TRERF1: variants seen among roughly 807,000 people sequenced by gnomAD.
TRERF1 encodes the protein transcriptional-regulating factor 1.
TRERF1 carries 27 observed loss-of-function variants against 122.9 expected under a neutral mutation model. That is an observed-to-expected ratio of 0.22 (90% CI 0.16 to 0.30). The LOEUF (loss-of-function observed/expected upper bound fraction) is 0.30. TRERF1 is among the 10% of genes least tolerant of loss of function. TRERF1 has a pLI of 1.00. For missense variants in TRERF1, 1,248 were observed against 1,560.3 expected, an observed-to-expected ratio of 0.80 and a Z score of 3.37; for synonymous variants, 636 against 641.7, an observed-to-expected ratio of 0.99 and a Z score of 0.13.
chr6:42,436,808 A>T (rs1481724483), intron 2 of TRERF1, among the ~76,000 whole-genome samples: 24 of 103,218 alleles, frequency 2.3e-4, no homozygotes, highest in Admixed American at 5.4e-4. Flanking sequence ...TACAAAAAAA[A>T]AAAAAAATAT....
rs151161541 is a variant in TRERF1, at chr6:42,403,592, G to A, written c.-453-40513C>T. 1.4e-4 allele frequency among the ~76,000 whole-genome samples: 22 copies of A among 152,242 alleles called. No individual in the cohort carries two copies. In the East Asian group the frequency reaches 4.1e-3, roughly 28 times the overall value. ...ACCTTGATTTCAAATTTCCAGAACTGCAAGAGCAGACATTTCTGTTGCTTT... is the reference window on the plus strand; with the variant it reads ...ACCTTGATTTCAAATTTCCAGAACTACAAGAGCAGACATTTCTGTTGCTTT... On this transcript the variant is annotated intron_variant, in intron 2 of 17. Transcript: ENST00000372922.
intron 4 of TRERF1, among the ~76,000 whole-genome samples, chr6:42,279,044 G>A (rs13214788): frequency 0.027 from 4,160 of 152,310 alleles, 57 homozygotes; most frequent in Non-Finnish European, 0.037. Context: ...TGGGGAGGAG[G>A]AGGCTTCCAA....
intron 15 of TRERF1, 67 bp downstream of exon 15, chr6:42,243,181 A>C: frequency 1.5e-6 from 2 of 1,343,334 alleles, no homozygotes; most frequent in Non-Finnish European, 2.1e-6. Context: ...AACACCAGCT[A>C]CTTACTAACC....
chr6:42,367,918 G>A (rs970458460), intron 2 of TRERF1, among the ~76,000 whole-genome samples: 6 of 152,052 alleles, frequency 3.9e-5, no homozygotes, highest in African/African-American at 7.2e-5. Flanking sequence ...CTGTATCATC[G>A]GGCCCTTTAG....
chr6:42,404,661 C>T (rs1779911671), intron 2 of TRERF1, among the ~76,000 whole-genome samples: 1 of 152,070 alleles, frequency 6.6e-6, no homozygotes, highest in African/African-American at 2.4e-5. Context: ...ATCCTCTCAC[C>T]CCAGCAGGAT....
chr6:42,226,288 T>A (rs1337717447), exon 18 of TRERF1: 1 of 152,226 alleles, frequency 6.6e-6, no homozygotes, highest in Non-Finnish European at 1.5e-5. Context: ...TACATTTGCT[T>A]TATAAACACT....
intron 3 of TRERF1, among the ~76,000 whole-genome samples, chr6:42,332,150 C>T (rs186073849): frequency 6.6e-6 from 1 of 152,218 alleles, no homozygotes; most frequent in African/African-American, 2.4e-5. Flanking sequence ...GCCATGTTGG[C>T]CAGGCTGGTC....
In TRERF1 at chr6:42,393,997, T is replaced by G. The variant is rs974116757; in HGVS notation, c.-453-30918A>C. ...TTCCAGAAAGATGGATGTTTTTATT[T>G]TCTTCTCTATGATTTCCTATATGTT... On this transcript the variant is annotated intron_variant, in intron 2 of 17. Coordinates refer to ENST00000372922, the Ensembl canonical transcript of TRERF1. This position sits in a 1 kb window ranked among gnomAD's most constrained non-coding sequence, Gnocchi z 4.1. 6.6e-6 allele frequency among the ~76,000 whole-genome samples: 1 copy of G among 152,198 alleles called. No individual in the cohort carries two copies. Among genetic ancestry groups the G allele is most frequent in the African/African-American group, 2.4e-5 (1 of 41,452 alleles).
intron 13 of TRERF1, among the ~76,000 whole-genome samples, chr6:42,250,268 C>T (rs905898821): frequency 1.1e-4 from 16 of 152,164 alleles, no homozygotes; most frequent in African/African-American, 3.4e-4. Flanking sequence ...CGTATGCCAC[C>T]CCTGCTGATA....
intron 4 of TRERF1, among the ~76,000 whole-genome samples, chr6:42,288,596 A>AAAAAAAAAAG (rs1442376552): frequency 5.5e-5 from 6 of 109,248 alleles, no homozygotes; most frequent in African/African-American, 1.6e-4. Flanking sequence ...AAAAAAAAAA[A>AAAAAAAAAAG]GAGAGAGAGA....
At chr6:42,288,237 G>A (rs930293445) in intron 4 of TRERF1, among the ~76,000 whole-genome samples, 6 of 151,970 alleles carry the variant, frequency 3.9e-5, no homozygotes, top group African/African-American at 1.5e-4. Context: ...GTCAGCCAGA[G>A]ACAAGTATAA....
At chr6:42,240,177 G>C (rs907353055) in intron 15 of TRERF1, among the ~76,000 whole-genome samples, 3 of 152,172 alleles carry the variant, frequency 2.0e-5, no homozygotes, top group African/African-American at 7.2e-5. Flanking sequence ...TCCCTCCAGT[G>C]AATTCACAGA....
chr6:42,262,099 T>A (rs556562236), intron 8 of TRERF1, among the ~76,000 whole-genome samples: 1 of 152,118 alleles, frequency 6.6e-6, no homozygotes, highest in East Asian at 1.9e-4. Context: ...AAGCACGAAC[T>A]TCCCTGGGCA....
At chr6:42,234,655 T>C (rs983873859) in intron 16 of TRERF1, among the ~76,000 whole-genome samples, 2 of 152,172 alleles carry the variant, frequency 1.3e-5, no homozygotes, top group African/African-American at 4.8e-5. Context: ...TCTGGTTATT[T>C]TCTTACATAG....
chr6:42,284,640 C>A (rs964219841), intron 4 of TRERF1, among the ~76,000 whole-genome samples: 5 of 152,132 alleles, frequency 3.3e-5, no homozygotes, highest in Non-Finnish European at 7.4e-5. Context: ...GTTTGAGGAC[C>A]AACACAGCCC....
At chr6:42,424,208 A>G (rs142313680) in intron 2 of TRERF1, among the ~76,000 whole-genome samples, 188 of 152,312 alleles carry the variant, frequency 1.2e-3, no homozygotes, top group Middle Eastern at 6.8e-3. Flanking sequence ...TCATGTATAC[A>G]TGCTGCCCAC....
At chr6:42,408,259 GTGTGTGTATGTATATATACATACACA>G (rs1457910051) in intron 2 of TRERF1, among the ~76,000 whole-genome samples, 15 of 126,020 alleles carry the variant, frequency 1.2e-4, no homozygotes, top group African/African-American at 2.4e-4. Flanking sequence ...ACATACACAT[GTGTGTGTATGTATATATACATACACA>G]TGTGTGTGTA....
chr6:42,274,309 A>T (rs894515062), intron 4 of TRERF1, among the ~76,000 whole-genome samples: 8 of 152,182 alleles, frequency 5.3e-5, no homozygotes, highest in African/African-American at 1.9e-4. Flanking sequence ...GGAAACAGAG[A>T]AACAGAGGCC....
rs79375770 is a variant in TRERF1, at chr6:42,259,276, C to G, written c.2269+63G>C. 2.2e-5 allele frequency: 32 copies of G among 1,455,300 alleles called. No individual in the cohort carries two copies. The South Asian group carries it at 4.2e-4, about 19-fold the overall frequency. The allele number at this position is 1,455,300 out of a possible 1,614,324, so 90.1% of individuals were successfully genotyped here. On this transcript the variant is annotated intron_variant, in intron 9 of 17. Transcript: ENST00000372922. The surrounding 1 kb of genome is among the most constrained non-coding windows in gnomAD (Gnocchi z 4.9). ...GGATAAATGAGAAAGCTAAAGAAAA[C>G]GAGATGTCCCAGGACTTTACCCAGC...
Sources: allele counts gnomAD v4.1 joint callset (sites outside exome capture counted in the v4.1 genomes callset), GRCh38; gene constraint gnomAD v4.1.1; non-coding constraint Gnocchi (gnomAD v3.1); transcripts MANE v1.5; gene names NCBI Gene and HGNC (gene_info 2026-07-23, HGNC 2026-07-21).